Variants in ZNF529 observed in about 807,000 individuals in gnomAD.
The protein encoded by ZNF529 is zinc finger protein 529.
ZNF529 carries 11 observed loss-of-function variants against 10.1 expected under a neutral mutation model. The ratio of observed to expected loss-of-function variants is 1.09; its 90% CI spans 0.69 to 1.81. The LOEUF (loss-of-function observed/expected upper bound fraction) is 1.81. Among genes scored for constraint, ZNF529 ranks in the 40% most tolerant of loss-of-function variants. The pLI, the probability that ZNF529 is intolerant of heterozygous loss-of-function variation, is 0.00. For missense variants in ZNF529, 624 were observed against 666.8 expected, an observed-to-expected ratio of 0.94 and a Z score of 0.71; for synonymous variants, 204 against 215.7, an observed-to-expected ratio of 0.95 and a Z score of 0.47.
Position 36,546,590 on chromosome 19 carries a change from C to A in ZNF529, c.*276G>T. ...ATAGTCAAAAGAGCAATAATACAAACATCAAAAGCTATTGTAAACAAAACA... is the reference window on the plus strand; with the variant it reads ...ATAGTCAAAAGAGCAATAATACAAAAATCAAAAGCTATTGTAAACAAAACA... On this transcript the variant is annotated 3_prime_UTR_variant, in exon 5 of 5. Coordinates refer to ENST00000591340, the MANE Select transcript of ZNF529 (RefSeq NM_020951.5). 3.1e-6 allele frequency: 1 copy of A among 327,468 alleles called. No homozygotes were observed. The highest frequency in any genetic ancestry group is 5.3e-5 in the East Asian group (1 of 18,920). The allele number at this position is 327,468 out of a possible 1,614,324, so 20.3% of individuals were successfully genotyped here. A position where few individuals can be genotyped will look rare whatever the true frequency, so the allele number is the denominator to read the frequency against.
rs750697067 is a variant in ZNF529, at chr19:36,547,279, A to G, written c.1279T>C (p.Cys427Arg). 6.2e-7 allele frequency: 1 copy of G among 1,613,718 alleles called. No individual in the cohort carries two copies. The highest frequency in any genetic ancestry group is 8.5e-7 in the Non-Finnish European group (1 of 1,179,780). The change falls in exon 5 of 5, where the codon TGT (cysteine) becomes CGT (arginine). Residue 427 changes from cysteine to arginine, a missense_variant. By Grantham distance (180) the Cys-to-Arg change is radical. Coordinates refer to ENST00000591340, the MANE Select transcript of ZNF529 (RefSeq NM_020951.5). ...TGEKPYKCKE[C>R]EKAFGVGSEL... ...CTACCTACTCCAAATGCTTTCTCAC[A>G]TTCTTTACATTTATAGGGTTTTTCA...
chr19:36,565,421 G>A (rs2035858643), intron 2 of ZNF529, among the ~76,000 whole-genome samples: 2 of 152,126 alleles, frequency 1.3e-5, no homozygotes. Flanking sequence ...ATGAAGAACA[G>A]GCCGGGCGCG....
chr19:36,568,654 T>C (rs2035987620), intron 2 of ZNF529, among the ~76,000 whole-genome samples: 1 of 152,036 alleles, frequency 6.6e-6, no homozygotes, highest in South Asian at 2.1e-4. Context: ...GTACTTTTAA[T>C]AGAGACAGGG....
intron 4 of ZNF529, among the ~76,000 whole-genome samples, chr19:36,554,301 C>T (rs192035651): frequency 3.9e-5 from 6 of 152,136 alleles, no homozygotes; most frequent in South Asian, 2.1e-4. Flanking sequence ...GCCTTGAGGA[C>T]GGCGCAGTGG....
At chr19:36,568,154 A>G (rs1007824908) in intron 2 of ZNF529, among the ~76,000 whole-genome samples, 2 of 152,198 alleles carry the variant, frequency 1.3e-5, no homozygotes, top group Admixed American at 1.3e-4. Context: ...TCAATTCCCT[A>G]TTCTCTATTG....
chr19:36,547,823 G>T lies in ZNF529; in HGVS notation c.735C>A (p.Tyr245Ter). The stretch of plus-strand genomic sequence containing the variant: ...AGAACTTCTCATTATGAATTTTCTG[G>T]TATACATTAAAGTCTTTATAAAAAC... ...TCSFYKDFNV[Y>*]QKIHNEKFYK... is the part of the protein sequence containing the mutation. Residue 245 changes from tyrosine to a stop codon, truncating the protein, a stop_gained, in exon 5 of 5, where the codon TAC (tyrosine) becomes TAA (stop). Coordinates refer to ENST00000591340, the MANE Select transcript of ZNF529 (RefSeq NM_020951.5). LOFTEE classifies it low-confidence loss of function (END_TRUNC). 1.2e-6 allele frequency: 2 copies of T among 1,609,412 alleles called. No individual in the cohort carries two copies.
intron 2 of ZNF529, among the ~76,000 whole-genome samples, chr19:36,568,769 T>C (rs1343808205): frequency 1.3e-5 from 2 of 152,038 alleles, no homozygotes; most frequent in Non-Finnish European, 2.9e-5. Flanking sequence ...ACTCTGACTT[T>C]TGAGTTTCAA....
At position 36,547,117 on chromosome 19, in the gene ZNF529, T is replaced by A. The variant is rs2035057049; in HGVS notation, c.1441A>T (p.Lys481Ter). The A allele has an allele frequency of 3.7e-6, 6 of 1,614,014 alleles. No individual in the cohort carries two copies. The highest frequency in any genetic ancestry group is 5.1e-6 in the Non-Finnish European group (6 of 1,179,964). The change falls in exon 5 of 5, where the codon AAG (lysine) becomes TAG (stop). Residue 481 changes from lysine to a stop codon, truncating the protein, a stop_gained. Transcript: ENST00000591340. LOFTEE classifies it low-confidence loss of function (END_TRUNC). ...TGTCTAAAGGCCTTCCCACATACCT[T>A]ACATTCATAAGGTTTCTCACCACTA... Reference protein sequence around the residue: ...IHSGEKPYECKVCGKAFRHSS... With the variant: ...IHSGEKPYEC
Position 36,547,443 on chromosome 19 carries a change from C to G in ZNF529, c.1115G>C (p.Gly372Ala). The change falls in exon 5 of 5, where the codon GGG becomes GCG. Residue 372 changes from glycine (G) to alanine (A), a missense_variant. By Grantham distance (60) the Gly-to-Ala change is moderately conservative. Transcript: ENST00000591340. ...GEKPYACKEC[G>A]KAFGVCRELA... The stretch of plus-strand genomic sequence containing the variant: ...TTCTCTACATACTCCAAAAGCCTTC[C>G]CACATTCCTTACATGCATAAGGTTT... 1 of 1,613,940 alleles carries G rather than the reference C, an allele frequency of 6.2e-7. No individual in the cohort carries two copies. The highest frequency in any genetic ancestry group is 8.5e-7 in the Non-Finnish European group (1 of 1,179,916).
intron 2 of ZNF529, among the ~76,000 whole-genome samples, chr19:36,588,858 C>T (rs564788033): frequency 8.5e-4 from 130 of 152,120 alleles, no homozygotes; most frequent in African/African-American, 3.0e-3. Context: ...TTATAATAAA[C>T]CAGCAAACAT....
chr19:36,602,937 A>AG (rs1179964674), intron 1 of ZNF529, among the ~76,000 whole-genome samples: 2 of 150,052 alleles, frequency 1.3e-5, no homozygotes, highest in African/African-American at 4.9e-5. Context: ...TCTCAAAAGA[A>AG]AAAAAAAAAA....
chr19:36,569,421 C>T (rs1203057633), intron 2 of ZNF529, among the ~76,000 whole-genome samples: 4 of 152,090 alleles, frequency 2.6e-5, no homozygotes, highest in Middle Eastern at 3.4e-3. Flanking sequence ...AAGGAAATCA[C>T]GAAAATGACA....
chr19:36,547,805 C>T lies in ZNF529; in HGVS notation c.753G>A (p.Glu251=). 6.2e-7 allele frequency: 1 copy of T among 1,609,582 alleles called. No homozygotes were observed. Among genetic ancestry groups the T allele is most frequent in the Non-Finnish European group, 8.5e-7 (1 of 1,178,408 alleles). The change falls in exon 5 of 5, where the codon GAG becomes GAA. Residue 251 remains glutamate (E), a synonymous_variant. Transcript: ENST00000591340. ...DFNVYQKIHN[E]KFYKCKEYRR... Reference sequence around the variant, plus strand: ...TGTATTCCTTACATTTATAGAACTTCTCATTATGAATTTTCTGGTATACAT... The same window carrying T: ...TGTATTCCTTACATTTATAGAACTTTTCATTATGAATTTTCTGGTATACAT...
At chr19:36,600,479 T>C (rs950602500) in intron 1 of ZNF529, among the ~76,000 whole-genome samples, 4 of 152,190 alleles carry the variant, frequency 2.6e-5, no homozygotes, top group African/African-American at 9.6e-5. Flanking sequence ...CTTATATTTT[T>C]TATATTAGTA....
At chr19:36,599,950 A>T (rs1273916051) in intron 1 of ZNF529, among the ~76,000 whole-genome samples, 4 of 151,568 alleles carry the variant, frequency 2.6e-5, no homozygotes. Flanking sequence ...CTCACTGCAA[A>T]CTCCGCCTCC....
chr19:36,562,169 C>T (rs1443043578), intron 2 of ZNF529, among the ~76,000 whole-genome samples: 3 of 151,286 alleles, frequency 2.0e-5, no homozygotes, highest in Non-Finnish European at 4.4e-5. Flanking sequence ...ACCTGGGAGG[C>T]GGAGGTTGCG....
chr19:36,584,611 A>G (rs766090022), intron 2 of ZNF529, among the ~76,000 whole-genome samples: 1 of 152,066 alleles, frequency 6.6e-6, no homozygotes, highest in Non-Finnish European at 1.5e-5. Context: ...CACTAAAAAT[A>G]CAAAAATCAG....
intron 2 of ZNF529, among the ~76,000 whole-genome samples, chr19:36,571,874 G>GA (rs1249309310): frequency 6.6e-6 from 1 of 151,224 alleles, no homozygotes; most frequent in Non-Finnish European, 1.5e-5. Flanking sequence ...GAATGTTCTG[G>GA]AAAAACTCCC....
rs569546961 is a variant in ZNF529, at chr19:36,600,687, G to A, written c.-128+4439C>T. 9.2e-5 allele frequency among the ~76,000 whole-genome samples: 14 copies of A among 152,120 alleles called. No individual in the cohort carries two copies. In the South Asian group the frequency reaches 1.9e-3, roughly 20 times the overall value. On this transcript the variant is annotated intron_variant, in intron 1 of 4. Transcript: ENST00000585960. ...TCTCATAAAATTAGAGACTTTTGCC[G>A]AGGAAAAAATACGCATGAATAAAAT...
Sources: allele counts gnomAD v4.1 joint callset (sites outside exome capture counted in the v4.1 genomes callset), GRCh38; gene constraint gnomAD v4.1.1; transcripts MANE v1.5; gene names NCBI Gene and HGNC (gene_info 2026-07-23, HGNC 2026-07-21).